The following RIMKLB variants were observed in gnomAD, a reference collection of about 807,000 sequenced individuals.
RIMKLB encodes beta-citrylglutamate synthase B.
RIMKLB carries 7 observed loss-of-function variants against 32.0 expected under a neutral mutation model. The observed-to-expected ratio is 0.22, with a 90% CI of 0.12 to 0.41. RIMKLB has a LOEUF of 0.41. Ranked by LOEUF, RIMKLB falls within the 10% of genes least tolerant of loss-of-function variation. RIMKLB has a pLI of 1.00. For missense variants in RIMKLB, 289 were observed against 498.7 expected, an observed-to-expected ratio of 0.58 and a Z score of 4.00; for synonymous variants, 172 against 185.1, an observed-to-expected ratio of 0.93 and a Z score of 0.57.
At chr12:8,697,695 C>A, upstream of RIMKLB, 2 of 301,316 alleles carry the variant, frequency 6.6e-6, no homozygotes, top group South Asian at 2.3e-5. Context: ...TCGCTCCCCG[C>A]GCGCGATCCA....
chr12:8,752,718 GTT>G (rs1948718441), intron 4 of RIMKLB, among the ~76,000 whole-genome samples: 1 of 151,702 alleles, frequency 6.6e-6, no homozygotes, highest in African/African-American at 2.4e-5. Flanking sequence ...TAGGTAGGTT[GTT>G]GTTGTTGTTG....
At chr12:8,721,189 G>A (rs749597309) in intron 2 of RIMKLB, among the ~76,000 whole-genome samples, 3 of 152,270 alleles carry the variant, frequency 2.0e-5, no homozygotes, top group African/African-American at 2.4e-5. Flanking sequence ...ACAATAAAGC[G>A]AGTAACACAA....
At chr12:8,671,942 C>T in the RIMKLB span, among the ~76,000 whole-genome samples, 2 of 138,508 alleles carry the variant, frequency 1.4e-5, no homozygotes, top group African/African-American at 5.3e-5. Context: ...AAAACAAAGC[C>T]TGAATGCCTT....
intron 2 of RIMKLB, among the ~76,000 whole-genome samples, chr12:8,748,283 T>A (rs1948284627): frequency 6.6e-6 from 1 of 152,168 alleles, no homozygotes; most frequent in Non-Finnish European, 1.5e-5. Flanking sequence ...TACAGTACAA[T>A]AAGATTTTGA....
Position 8,773,296 on chromosome 12 carries a change from TTTCCTGTC to T in RIMKLB, c.698-22_698-15del. The T allele has an allele frequency of 6.6e-7, 1 of 1,506,252 alleles. No homozygotes were observed. Among genetic ancestry groups the T allele is most frequent in the Admixed American group, 1.7e-5 (1 of 57,366 alleles). 93.3% of individuals were successfully genotyped at this position (1,506,252 alleles called of 1,614,324 possible). A position where few individuals can be genotyped will look rare whatever the true frequency, so the allele number is the denominator to read the frequency against. Reference sequence around the variant, plus strand: ...TTTCAAAAGTTTATGATTTTGTTAATTTCCTGTCTTGTTTCTTTTGCCAGGTGGTGTGG... The same window carrying T: ...TTTCAAAAGTTTATGATTTTGTTAATTTGTTTCTTTTGCCAGGTGGTGTGG... On this transcript the variant is annotated splice_polypyrimidine_tract_variant and intron_variant, in intron 5 of 5. Transcript: ENST00000535829.
chr12:8,670,897 T>C, the RIMKLB span, among the ~76,000 whole-genome samples: 1 of 152,216 alleles, frequency 6.6e-6, no homozygotes, highest in Non-Finnish European at 1.5e-5. Context: ...ATTCTTGACT[T>C]CTGTCCAACT....
chr12:8,691,568 T>A (rs1258089502), intron 1 of RIMKLB, among the ~76,000 whole-genome samples: 1 of 152,088 alleles, frequency 6.6e-6, no homozygotes, highest in East Asian at 1.9e-4. Context: ...ATCGAGCCAC[T>A]GCACTCCCGC....
chr12:8,762,619 A>G (rs1949623841), intron 5 of RIMKLB, among the ~76,000 whole-genome samples: 3 of 152,036 alleles, frequency 2.0e-5, no homozygotes, highest in African/African-American at 7.2e-5. Flanking sequence ...CTTTCTCTCC[A>G]TATTGCTGCG....
intron 5 of RIMKLB, among the ~76,000 whole-genome samples, chr12:8,771,241 C>T (rs752859597): frequency 3.3e-5 from 5 of 152,276 alleles, no homozygotes; most frequent in African/African-American, 9.6e-5. Flanking sequence ...TCAGATTCTT[C>T]TTGGCCTCTC....
At chr12:8,767,105 G>GAC (rs1431749612) in intron 5 of RIMKLB, among the ~76,000 whole-genome samples, 3 of 152,246 alleles carry the variant, frequency 2.0e-5, no homozygotes, top group Non-Finnish European at 4.4e-5. Flanking sequence ...GGTAGTATTG[G>GAC]AGTGTTACAG....
At chr12:8,782,259 AATTTTGTTTT>A (rs1951125349) in intron 7 of RIMKLB, among the ~76,000 whole-genome samples, 1 of 152,110 alleles carries the variant, frequency 6.6e-6, no homozygotes, top group Non-Finnish European at 1.5e-5. Context: ...TTGGCACAAT[AATTTTGTTTT>A]ATTTTGTATG....
intron 2 of RIMKLB, among the ~76,000 whole-genome samples, chr12:8,719,588 C>T (rs1302842023): frequency 1.3e-5 from 2 of 152,034 alleles, no homozygotes; most frequent in Admixed American, 6.6e-5. Context: ...AGGCTGGACT[C>T]GAACTCCTGA....
intron 5 of RIMKLB, among the ~76,000 whole-genome samples, chr12:8,758,909 A>G (rs1949301621): frequency 6.6e-6 from 1 of 152,108 alleles, no homozygotes; most frequent in South Asian, 2.1e-4. Context: ...TTTTGGTACT[A>G]TGGGTAGATA....
At chr12:8,683,226 G>A (rs1463372139) in intron 1 of RIMKLB, among the ~76,000 whole-genome samples, 6 of 152,316 alleles carry the variant, frequency 3.9e-5, no homozygotes, top group African/African-American at 1.4e-4. Flanking sequence ...AAACATTCAT[G>A]TGCAGGTTTT....
chr12:8,710,193 C>G (rs1817713876), intron 1 of RIMKLB, among the ~76,000 whole-genome samples: 1 of 150,730 alleles, frequency 6.6e-6, no homozygotes, highest in Admixed American at 6.6e-5. Context: ...GAGTCTTAAT[C>G]ATGTCAGCCA....
rs1030148797 is a variant in RIMKLB, at chr12:8,718,663, A to C, written c.175+4622A>C. On this transcript the variant is annotated intron_variant, in intron 2 of 5. Coordinates refer to ENST00000535829, the MANE Select transcript of RIMKLB (RefSeq NM_001297776.2). ...TCTCTCTCTCTCTCTCTATATATAT[A>C]TATATATGTGTGTGTGTGTGTGTGT... is the stretch of plus-strand genomic sequence containing the variant. Among the ~76,000 whole-genome samples, 7 of 116,136 alleles carry C rather than the reference A, an allele frequency of 6.0e-5. No homozygotes were observed. The South Asian group carries it at 1.5e-3, about 25-fold the overall frequency. The allele number at this position is 116,136 out of a possible 152,430, so 76.2% of individuals were successfully genotyped here.
At chr12:8,705,922 T>A (rs1008666196) in intron 1 of RIMKLB, among the ~76,000 whole-genome samples, 3 of 152,154 alleles carry the variant, frequency 2.0e-5, no homozygotes, top group Non-Finnish European at 4.4e-5. Context: ...TTCAACTGAT[T>A]GGATGAAGCC....
chr12:8,782,104 A>G (rs1409543835), downstream of RIMKLB, among the ~76,000 whole-genome samples: 3 of 148,522 alleles, frequency 2.0e-5, no homozygotes, highest in East Asian at 2.0e-4. Flanking sequence ...ATTACTATAT[A>G]AAAATTTTAA....
intron 2 of RIMKLB, among the ~76,000 whole-genome samples, chr12:8,739,454 A>AT (rs1176375730): frequency 2.0e-5 from 3 of 152,120 alleles, no homozygotes; most frequent in Non-Finnish European, 4.4e-5. Context: ...AAGTGCTGGG[A>AT]TTACAGGTGT....
Sources: gnomAD v4.1 joint callset for allele counts (sites outside exome capture counted in the v4.1 genomes callset) on GRCh38, gnomAD v4.1.1 for gene constraint, MANE v1.5 for transcripts, NCBI Gene and HGNC (gene_info 2026-07-23, HGNC 2026-07-21) for gene names.